Variants in SLC25A21 observed in about 807,000 individuals in gnomAD.
SLC25A21 encodes mitochondrial 2-oxodicarboxylate carrier.
Under a neutral mutation model 43.8 loss-of-function variants are expected in SLC25A21, and 47 were observed. The ratio of observed to expected loss-of-function variants is 1.07; its 90% CI spans 0.85 to 1.37. The LOEUF is 1.37. SLC25A21 is among the 40% of genes most tolerant of loss of function. The probability of loss-of-function intolerance (pLI) is 0.00; values close to 1 mark genes in which losing one functional copy is unlikely to be tolerated. For synonymous variants in SLC25A21, 131 were observed against 121.3 expected (o/e 1.08, Z -0.52); for missense variants, 352 against 350.2 (o/e 1.00, Z -0.04).
chr14:37,169,081 T>C (rs1964078029), intron 1 of SLC25A21, among the ~76,000 whole-genome samples: 1 of 152,138 alleles, frequency 6.6e-6, no homozygotes, highest in Non-Finnish European at 1.5e-5. Flanking sequence ...TAAAACTACG[T>C]GGCTGTGGTT....
At chr14:37,015,413 T>C (rs1367054705) in intron 1 of SLC25A21, among the ~76,000 whole-genome samples, 1 of 152,056 alleles carries the variant, frequency 6.6e-6, no homozygotes, top group Non-Finnish European at 1.5e-5. Context: ...GGTGTATATA[T>C]GCCACATTTT....
At chr14:36,995,180 T>G (rs557704101) in intron 1 of SLC25A21, among the ~76,000 whole-genome samples, 1 of 152,314 alleles carries the variant, frequency 6.6e-6, no homozygotes, top group South Asian at 2.1e-4. Context: ...AATAACTGGC[T>G]GGCAAATCTT....
At chr14:37,041,564 G>C (rs1299633111) in intron 1 of SLC25A21, among the ~76,000 whole-genome samples, 9 of 152,118 alleles carry the variant, frequency 5.9e-5, no homozygotes, top group African/African-American at 2.2e-4. Flanking sequence ...ACATAGATGT[G>C]ATCTATTTCT....
chr14:36,933,351 T>C lies in SLC25A21; in HGVS notation c.71-58347A>G, dbSNP rs1160367904. Among the ~76,000 whole-genome samples the C allele has an allele frequency of 2.6e-5, 4 of 152,122 alleles. No individual in the cohort carries two copies. The East Asian group carries it at 5.8e-4, about 22-fold the overall frequency. The stretch of plus-strand genomic sequence containing the variant: ...GGGAACTCCTACTTGGTGGGGATCA[T>C]GCATCCCCTGAAGGCTATGCTACCA... On this transcript the variant is annotated intron_variant, in intron 1 of 9. Transcript: ENST00000331299.
At chr14:36,768,404 ATTTT>A (rs1438066124) in intron 3 of SLC25A21, among the ~76,000 whole-genome samples, 3 of 152,198 alleles carry the variant, frequency 2.0e-5, no homozygotes, top group Admixed American at 6.5e-5. Context: ...TTGATTACCA[ATTTT>A]TTTAATTATT....
chr14:36,990,163 C>G (rs1960232431), intron 1 of SLC25A21, among the ~76,000 whole-genome samples: 2 of 152,138 alleles, frequency 1.3e-5, no homozygotes, highest in South Asian at 4.1e-4. Flanking sequence ...GAATCTGCCA[C>G]CTGAGATTCC....
rs76755513 is a variant in SLC25A21, at chr14:36,691,362, G to A, written c.604-6437C>T. Among the ~76,000 whole-genome samples the A allele has an allele frequency of 6.6e-3, 1,008 of 152,256 alleles. 14 individuals carry two copies. The highest frequency in any genetic ancestry group is 0.023 in the African/African-American group (968 of 41,540). On this transcript the variant is annotated intron_variant, in intron 7 of 9. Transcript: ENST00000331299. ...AGCCTAAGTCAAGTATTTTGAATGG[G>A]TCACATATAAATTATGTAAATGAAT...
intron 2 of SLC25A21, among the ~76,000 whole-genome samples, chr14:36,838,800 T>C (rs976665724): frequency 6.6e-6 from 1 of 152,226 alleles, no homozygotes; most frequent in African/African-American, 2.4e-5. Flanking sequence ...AAAGTCTTAA[T>C]TATTTCTTAG....
intron 3 of SLC25A21, among the ~76,000 whole-genome samples, chr14:36,750,973 G>A (rs1463774542): frequency 1.3e-5 from 2 of 152,268 alleles, no homozygotes; most frequent in East Asian, 3.9e-4. Context: ...ATTCCCACTG[G>A]CCATGATCAC....
intron 1 of SLC25A21, among the ~76,000 whole-genome samples, chr14:36,959,893 C>T (rs1959445970): frequency 6.6e-6 from 1 of 152,188 alleles, no homozygotes; most frequent in Non-Finnish European, 1.5e-5. Flanking sequence ...AAGAAACAAG[C>T]TGGAGTCCTC....
chr14:37,065,959 G>A (rs1303370785), intron 1 of SLC25A21, among the ~76,000 whole-genome samples: 2 of 152,130 alleles, frequency 1.3e-5, no homozygotes, highest in Non-Finnish European at 2.9e-5. Context: ...ATTTAATCAG[G>A]CAAGGATCAT....
In SLC25A21 at chr14:36,861,507, G is replaced by A. The variant is rs144651171; in HGVS notation, c.119+13449C>T. On this transcript the variant is annotated intron_variant, in intron 2 of 9. Transcript: ENST00000331299. ...TCTCAACACTTTCAGGTTTTCTCACGCTGCAGGGAGAGCCCAAGTAAGAAT... is the reference window on the plus strand; with the variant it reads ...TCTCAACACTTTCAGGTTTTCTCACACTGCAGGGAGAGCCCAAGTAAGAAT... Among the ~76,000 whole-genome samples the A allele has an allele frequency of 3.4e-3, 517 of 152,210 alleles. 5 individuals carry two copies. The highest frequency in any genetic ancestry group is 0.012 in the African/African-American group (494 of 41,536).
chr14:36,834,768 C>T (rs1465737379), intron 2 of SLC25A21, among the ~76,000 whole-genome samples: 1 of 152,154 alleles, frequency 6.6e-6, no homozygotes, highest in East Asian at 1.9e-4. Context: ...CATGGTGCTT[C>T]CCAGTTTTTC....
chr14:36,719,541 C>A (rs1884291663), intron 6 of SLC25A21, among the ~76,000 whole-genome samples: 1 of 152,200 alleles, frequency 6.6e-6, no homozygotes, highest in African/African-American at 2.4e-5. Flanking sequence ...GAAGGTCAAG[C>A]ATATTTAAAT....
chr14:36,748,366 C>A (rs1272071692), intron 3 of SLC25A21, among the ~76,000 whole-genome samples: 18 of 152,144 alleles, frequency 1.2e-4, no homozygotes, highest in Admixed American at 1.2e-3. Context: ...GTCATTCAGT[C>A]CTCTGCATCA....
intron 1 of SLC25A21, among the ~76,000 whole-genome samples, chr14:37,135,390 T>C (rs1963463117): frequency 1.3e-5 from 2 of 151,684 alleles, no homozygotes; most frequent in Admixed American, 1.3e-4. Flanking sequence ...CAGAGCAAGA[T>C]CCTATCTCTA....
Position 36,710,421 on chromosome 14 carries a change from AAAGAAAG to A in SLC25A21, c.603+890_603+896del, listed in dbSNP as rs1566524092. On this transcript the variant is annotated intron_variant, in intron 7 of 9. Transcript: ENST00000331299. ...AGAAAAAAAAGGAAACGGGGAAAAA[AAAGAAAG>A]AAAGAAAGAAAGAAAAAGAAAGAAA... 2.0e-4 allele frequency among the ~76,000 whole-genome samples: 31 copies of A among 151,920 alleles called. 1 individual carries two copies. In the East Asian group the frequency reaches 5.4e-3, roughly 27 times the overall value.
intron 3 of SLC25A21, among the ~76,000 whole-genome samples, chr14:36,793,273 A>G (rs1887555412): frequency 6.6e-6 from 1 of 152,192 alleles, no homozygotes; most frequent in Non-Finnish European, 1.5e-5. Context: ...ATTTATTGAG[A>G]GAAAACAGAA....
chr14:36,753,964 A>G (rs1885823791), intron 3 of SLC25A21, among the ~76,000 whole-genome samples: 1 of 151,508 alleles, frequency 6.6e-6, no homozygotes, highest in African/African-American at 2.4e-5. Context: ...AGAGAGAAAG[A>G]GAGAGAAAAA....
Sources: allele counts gnomAD v4.1 joint callset (sites outside exome capture counted in the v4.1 genomes callset), GRCh38; gene constraint gnomAD v4.1.1; transcripts MANE v1.5; gene names NCBI Gene and HGNC (gene_info 2026-07-23, HGNC 2026-07-21).